Variants in EYS observed in about 807,000 individuals in gnomAD.
EYS encodes protein eyes shut homolog.
Under a neutral mutation model 282.1 loss-of-function variants are expected in EYS, and 250 were observed. That is an observed-to-expected ratio of 0.89 (90% confidence interval 0.80 to 0.98). The LOEUF is 0.98. Among genes scored for constraint, EYS ranks in the 50% least tolerant of loss-of-function variants. The pLI is 0.00. For synonymous variants in EYS, 1,355 were observed against 1,282.9 expected, an observed-to-expected ratio of 1.06 and a Z score of -1.20; for missense variants, 4,016 against 3,709.0, an observed-to-expected ratio of 1.08 and a Z score of -2.15.
intron 26 of EYS, among the ~76,000 whole-genome samples, chr6:64,509,482 T>C (rs1777315801): frequency 6.6e-6 from 1 of 152,184 alleles, no homozygotes. Context: ...GTTCTTCCTT[T>C]GCTCATGGTC....
At chr6:64,288,888 T>A (rs1483316177) in intron 30 of EYS, among the ~76,000 whole-genome samples, 1 of 152,100 alleles carries the variant, frequency 6.6e-6, no homozygotes, top group African/African-American at 2.4e-5. Context: ...AAAGAGCAGA[T>A]GCATCATTCC....
At chr6:65,241,846 C>T (rs1191268394) in intron 12 of EYS, among the ~76,000 whole-genome samples, 1 of 152,008 alleles carries the variant, frequency 6.6e-6, no homozygotes, top group African/African-American at 2.4e-5. Context: ...AATATTGACT[C>T]CTTCTGCTTC....
intron 12 of EYS, among the ~76,000 whole-genome samples, chr6:65,293,754 G>A (rs532819123): frequency 4.4e-4 from 67 of 151,986 alleles, no homozygotes; most frequent in African/African-American, 1.6e-3. Flanking sequence ...GTTGTAACAA[G>A]ACCTCCAGGT....
chr6:64,861,026 G>T (rs533462754), intron 19 of EYS, among the ~76,000 whole-genome samples: 9 of 152,292 alleles, frequency 5.9e-5, no homozygotes, highest in African/African-American at 2.2e-4. Context: ...CTACAGTACT[G>T]ACAACCCAGA....
At chr6:65,499,531 T>C (rs968895473) in intron 2 of EYS, among the ~76,000 whole-genome samples, 1 of 152,032 alleles carries the variant, frequency 6.6e-6, no homozygotes, top group African/African-American at 2.4e-5. Context: ...GCTTTTTATT[T>C]GTATAAATTA....
chr6:64,202,534 G>A (rs959354104), intron 31 of EYS, among the ~76,000 whole-genome samples: 1 of 152,096 alleles, frequency 6.6e-6, no homozygotes, highest in African/African-American at 2.4e-5. Context: ...GTGTGAAATT[G>A]GATTAGGTCT....
chr6:63,727,648 A>G (rs1391956096), intron 41 of EYS, among the ~76,000 whole-genome samples: 2 of 121,368 alleles, frequency 1.6e-5, no homozygotes, highest in East Asian at 5.6e-4. Context: ...AGGCTGGAGG[A>G]TTGCTTGAGC....
intron 5 of EYS, among the ~76,000 whole-genome samples, chr6:65,440,075 T>C (rs1388223022): frequency 2.6e-5 from 4 of 152,014 alleles, no homozygotes; most frequent in African/African-American, 9.7e-5. Context: ...GAGAAAAAAT[T>C]AAGTGATTCA....
intron 15 of EYS, among the ~76,000 whole-genome samples, chr6:64,923,509 G>A (rs1768419628): frequency 6.6e-6 from 1 of 152,142 alleles, no homozygotes; most frequent in Admixed American, 6.5e-5. Flanking sequence ...AACCAATCAT[G>A]TGTTCCTAAC....
At chr6:65,277,467 C>T (rs547842755) in intron 12 of EYS, among the ~76,000 whole-genome samples, 2 of 150,836 alleles carry the variant, frequency 1.3e-5, no homozygotes, top group East Asian at 2.0e-4. Context: ...AAAAAAAGCG[C>T]CCCGGAAAAC....
intron 31 of EYS, among the ~76,000 whole-genome samples, chr6:64,098,190 T>C (rs1460723281): frequency 2.0e-5 from 3 of 152,194 alleles, no homozygotes; most frequent in Non-Finnish European, 4.4e-5. Flanking sequence ...CTTGCAAATG[T>C]ACTCAAGGAA....
intron 2 of EYS, among the ~76,000 whole-genome samples, chr6:65,590,856 C>CTT (rs1015375138): frequency 2.9e-3 from 417 of 145,424 alleles, no homozygotes; most frequent in Middle Eastern, 0.011. Flanking sequence ...AAATATACCA[C>CTT]TTTTTTTTTT....
chr6:64,449,924 A>C lies in EYS; in HGVS notation c.5645-10572T>G, dbSNP rs150993023. Among the ~76,000 whole-genome samples, 1,396 of 152,252 alleles carry C rather than the reference A, an allele frequency of 9.2e-3. 18 individuals carry two copies. Among genetic ancestry groups the C allele is most frequent in the East Asian group, 0.048 (250 of 5,166 alleles). ...AACATGCCAAATTGTAAAGACCGTCAAGGCTAGGAAGAAACTGCACCAACT... is the reference window on the plus strand; with the variant it reads ...AACATGCCAAATTGTAAAGACCGTCCAGGCTAGGAAGAAACTGCACCAACT... On this transcript the variant is annotated intron_variant, in intron 26 of 42. Coordinates refer to ENST00000503581, the MANE Select transcript of EYS (RefSeq NM_001142800.2).
chr6:64,955,859 G>A (rs568150467), intron 14 of EYS, among the ~76,000 whole-genome samples: 1 of 152,078 alleles, frequency 6.6e-6, no homozygotes, highest in Non-Finnish European at 1.5e-5. Context: ...CTGGCAACTC[G>A]CTTTGGGTCC....
chr6:65,324,330 A>G (rs1189551541), intron 11 of EYS, among the ~76,000 whole-genome samples: 3 of 152,132 alleles, frequency 2.0e-5, no homozygotes, highest in Non-Finnish European at 4.4e-5. Context: ...CCCAAAACAG[A>G]TCCTGGGCCC....
At chr6:65,230,944 T>C (rs976573382) in intron 12 of EYS, among the ~76,000 whole-genome samples, 5 of 150,796 alleles carry the variant, frequency 3.3e-5, no homozygotes, top group African/African-American at 7.3e-5. Flanking sequence ...TGAATATATA[T>C]TTCATACTAG....
intron 36 of EYS, among the ~76,000 whole-genome samples, chr6:63,853,050 G>A (rs1772301101): frequency 6.6e-6 from 1 of 152,186 alleles, no homozygotes; most frequent in Non-Finnish European, 1.5e-5. Context: ...AAAGCTGGAA[G>A]CATTCCCTTT....
chr6:64,457,082 T>C (rs1398237563), intron 26 of EYS, among the ~76,000 whole-genome samples: 1 of 151,972 alleles, frequency 6.6e-6, no homozygotes, highest in Non-Finnish European at 1.5e-5. Context: ...CATTTTTGTT[T>C]GTCTTAAGAA....
chr6:64,178,081 A>C (rs1173815602), intron 31 of EYS, among the ~76,000 whole-genome samples: 2 of 152,088 alleles, frequency 1.3e-5, no homozygotes, highest in African/African-American at 4.8e-5. Flanking sequence ...CCTTGGAATA[A>C]AAACCAGTGC....
Sources: allele counts gnomAD v4.1 joint callset (sites outside exome capture counted in the v4.1 genomes callset), GRCh38; gene constraint gnomAD v4.1.1; transcripts MANE v1.5; gene names NCBI Gene and HGNC (gene_info 2026-07-23, HGNC 2026-07-21).